The following MACF1 variants were observed in gnomAD, a reference collection of about 807,000 sequenced individuals.
MACF1 encodes the protein microtubule-actin cross-linking factor 1.
A neutral mutation model predicts 854.8 loss-of-function variants in MACF1; 193 were observed. The ratio of observed to expected loss-of-function variants is 0.23; its 90% CI spans 0.20 to 0.25. The LOEUF (loss-of-function observed/expected upper bound fraction) is 0.25, where lower values mean the gene tolerates loss of function less well. Ranked by LOEUF, MACF1 falls within the 10% of genes least tolerant of loss-of-function variation. The probability of loss-of-function intolerance (pLI) is 1.00; values close to 1 mark genes in which losing one functional copy is unlikely to be tolerated. For synonymous variants in MACF1, 3,185 were observed against 3,226.7 expected, an observed-to-expected ratio of 0.99 and a Z score of 0.44; for missense variants, 7,722 against 8,929.1, an observed-to-expected ratio of 0.86 and a Z score of 5.45.
chr1:39,108,035 T>C (rs1474464583), intron 2 of MACF1, among the ~76,000 whole-genome samples: 2 of 151,238 alleles, frequency 1.3e-5, no homozygotes, highest in African/African-American at 4.9e-5. Flanking sequence ...TTTCCAGAAC[T>C]GTGCTTGGCA....
intron 52 of MACF1, among the ~76,000 whole-genome samples, chr1:39,377,686 A>G (rs1649843587): frequency 6.6e-6 from 1 of 152,328 alleles, no homozygotes; most frequent in African/African-American, 2.4e-5. Flanking sequence ...AGAAGGGCTC[A>G]TTTTAATGTC....
intron 2 of MACF1, among the ~76,000 whole-genome samples, chr1:39,198,135 C>G (rs1018836305): frequency 6.6e-6 from 1 of 152,110 alleles, no homozygotes; most frequent in Non-Finnish European, 1.5e-5. Context: ...TAGTTTGAGG[C>G]TGCAGCGAGC....
intron 2 of MACF1, among the ~76,000 whole-genome samples, chr1:39,102,102 G>C (rs145977157): frequency 0.077 from 11,740 of 151,652 alleles, 531 homozygotes; most frequent in Non-Finnish European, 0.092. Flanking sequence ...CGTGAACCCC[G>C]GGGGGCGGAG....
rs764951315 is a variant in MACF1 at position 39,371,319 on chromosome 1, CAAAAAAAAAAA to C, written c.13095+1144_13096-1139del. Among the ~76,000 whole-genome samples, 10 of 81,296 alleles carry C rather than the reference CAAAAAAAAAAA, an allele frequency of 1.2e-4. No individual in the cohort carries two copies. In the South Asian group the frequency reaches 4.9e-3, roughly 40 times the overall value. 53.3% of individuals were successfully genotyped at this position (81,296 alleles called of 152,430 possible). On this transcript the variant is annotated intron_variant, in intron 51 of 100. Coordinates refer to ENST00000564288, the MANE Select transcript of MACF1 (RefSeq NM_001394062.1). The stretch of plus-strand genomic sequence containing the variant: ...GGTGATAGAGAGTGAGACTCTGTCT[CAAAAAAAAAAA>C]AAAAAAAAAAGAGTGATTAATTAAA...
At chr1:39,419,409 T>G (rs1216909909) in intron 58 of MACF1, among the ~76,000 whole-genome samples, 2 of 152,180 alleles carry the variant, frequency 1.3e-5, no homozygotes, top group African/African-American at 4.8e-5. Context: ...AGTCTGAAAC[T>G]TTCTGAATGC....
chr1:39,257,791 T>G, intron 5 of MACF1, 145 bp from the exon 6 acceptor site: 1 of 614,274 alleles, frequency 1.6e-6, no homozygotes, highest in Non-Finnish European at 2.8e-6. Flanking sequence ...GGTAGTTGCA[T>G]GAATCTATAC....
At chr1:39,293,340 A>G in intron 17 of MACF1, 118 bp from the exon 18 acceptor site, 3 of 970,844 alleles carry the variant, frequency 3.1e-6, no homozygotes, top group South Asian at 3.6e-5. Context: ...ATGGGGAAAA[A>G]TCCAGAGATT....
Position 39,303,552 on chromosome 1 carries a change from C to CAA in MACF1, c.2789+485_2789+486dup, listed in dbSNP as rs541776198. 1.2e-3 allele frequency among the ~76,000 whole-genome samples: 167 copies of CAA among 138,872 alleles called. No homozygotes were observed. In the East Asian group the frequency reaches 0.019, roughly 16 times the overall value. The allele number at this position is 138,872 out of a possible 152,430, so 91.1% of individuals were successfully genotyped here. Reference sequence around the variant, plus strand: ...TGGGCAACAGAGCGAGACTCTGTCTCAAAAAAAAAAAAGATTGGGCTGGGC... The same window carrying CAA: ...TGGGCAACAGAGCGAGACTCTGTCTCAAAAAAAAAAAAAAGATTGGGCTGGGC... On this transcript the variant is annotated intron_variant, in intron 23 of 100. Transcript: ENST00000564288.
intron 2 of MACF1, among the ~76,000 whole-genome samples, chr1:39,153,612 G>C (rs1643626187): frequency 6.6e-6 from 1 of 152,194 alleles, no homozygotes; most frequent in Non-Finnish European, 1.5e-5. Flanking sequence ...CAGGCCTGGG[G>C]TGGCCACAGG....
intron 42 of MACF1, among the ~76,000 whole-genome samples, chr1:39,350,522 T>G (rs975356578): frequency 2.6e-5 from 4 of 152,224 alleles, no homozygotes; most frequent in African/African-American, 9.6e-5. Context: ...AAGAATGATC[T>G]CTTTGAGGAT....
At chr1:39,166,071 A>AT (rs11435818) in intron 2 of MACF1, among the ~76,000 whole-genome samples, 128,140 of 144,314 alleles carry the variant, frequency 0.89, 57,598 homozygotes, top group East Asian at 1. Flanking sequence ...AGGGCACTAG[A>AT]TTTTTTTTTT....
In MACF1 at chr1:39,332,284, C is replaced by T. The variant is rs777098225; in HGVS notation, c.5696C>T (p.Ser1899Phe). 1 of 1,613,786 alleles carries T rather than the reference C, an allele frequency of 6.2e-7. No individual in the cohort carries two copies. Among genetic ancestry groups the T allele is most frequent in the Non-Finnish European group, 8.5e-7 (1 of 1,179,994 alleles). ...CTACCAGCAACCACAGAGATTTTGTCCTGGAAGAAAGCAATAGAAAGTGGT... is the reference window on the plus strand; with the variant it reads ...CTACCAGCAACCACAGAGATTTTGTTCTGGAAGAAAGCAATAGAAAGTGGT... ...LFLPATTEIL[S>F]WKKAIESGIL... The change falls in exon 37 of 101, where the codon TCC becomes TTC. Residue 1899 changes from serine to phenylalanine, a missense_variant. Transcript: ENST00000564288.
intron 89 of MACF1, among the ~76,000 whole-genome samples, chr1:39,456,178 A>G (rs1347324428): frequency 6.6e-6 from 1 of 152,240 alleles, no homozygotes; most frequent in Non-Finnish European, 1.5e-5. Context: ...TACTAAAAAT[A>G]TAAAAATTAG....
chr1:39,338,181 C>T (rs962009228), intron 38 of MACF1, among the ~76,000 whole-genome samples: 8 of 151,932 alleles, frequency 5.3e-5, no homozygotes, highest in African/African-American at 1.9e-4. Flanking sequence ...AGGCTTAAAA[C>T]AGTAGATTAG....
In MACF1 at chr1:39,387,773, G is replaced by A. The variant is rs1297182825; in HGVS notation, c.14931G>A (p.Glu4977=). Residue 4977 remains glutamate (E), a synonymous_variant, in exon 58 of 101, where the codon GAG becomes GAA. Coordinates refer to ENST00000564288, the MANE Select transcript of MACF1 (RefSeq NM_001394062.1). The stretch of plus-strand genomic sequence containing the variant: ...TGATCAATTCTTCAGAAGCAGATGA[G>A]GATGGAATCCGGGATGAGAAGGCTG... ...DILINSSEAD[E]DGIRDEKAGI... 1 of 1,614,052 alleles carries A rather than the reference G, an allele frequency of 6.2e-7. No individual in the cohort carries two copies.
Position 39,309,662 on chromosome 1 carries a change from A to G in MACF1, c.2882A>G (p.Asp961Gly). 1 of 1,614,136 alleles carries G rather than the reference A, an allele frequency of 6.2e-7. No homozygotes were observed. The highest frequency in any genetic ancestry group is 8.5e-7 in the Non-Finnish European group (1 of 1,179,984). Residue 961 changes from aspartate (D) to glycine (G), a missense_variant, in exon 24 of 101, where the codon GAC becomes GGC. Transcript: ENST00000564288. The part of the protein sequence containing the change: ...SLISWNYLRK[D>G]LDLVQTWNLE... ...ATCTCTTGGAACTATCTGCGTAAAG[A>G]CCTTGACCTTGTACAGACCTGGAAC...
chr1:39,440,953 G>A, intron 72 of MACF1, 50 bp from the exon 73 acceptor site: 1 of 1,609,342 alleles, frequency 6.2e-7, no homozygotes, highest in African/African-American at 1.3e-5. Flanking sequence ...AGTTTGGTAA[G>A]TTCTGTTCTG....
At position 39,105,056 on chromosome 1, in the gene MACF1, G is replaced by T. The variant is rs969464383; in HGVS notation, c.220+20618G>T. Among the ~76,000 whole-genome samples, 1 of 152,146 alleles carries T rather than the reference G, an allele frequency of 6.6e-6. No individual in the cohort carries two copies. Among genetic ancestry groups the T allele is most frequent in the African/African-American group, 2.4e-5 (1 of 41,458 alleles). On this transcript the variant is annotated intron_variant, in intron 2 of 93. Coordinates refer to the MACF1 transcript ENST00000361689. The surrounding 1 kb of genome is among the most constrained non-coding windows in gnomAD (Gnocchi z 5.9). ...CCGCTCGCCCTGTGGAGCCGGCCCG[G>T]GTCTCCCTGCCGTTCGGCCGGCCCA...
intron 14 of MACF1, 100 bp from the exon 15 acceptor site, chr1:39,287,185 TA>T: frequency 7.6e-7 from 1 of 1,310,926 alleles, no homozygotes; most frequent in African/African-American, 1.5e-5. Context: ...GGCTCATTTT[TA>T]TTTTTATCAT....
Sources: allele counts gnomAD v4.1 joint callset (sites outside exome capture counted in the v4.1 genomes callset), GRCh38; gene constraint gnomAD v4.1.1; non-coding constraint Gnocchi (gnomAD v3.1); transcripts MANE v1.5; gene names NCBI Gene and HGNC (gene_info 2026-07-23, HGNC 2026-07-21).